Variants in RYK observed in about 807,000 individuals in gnomAD.
RYK encodes the protein receptor like tyrosine kinase, also known as inactive tyrosine-protein kinase RYK.
In RYK, 21 loss-of-function variants were observed where a neutral mutation model predicts 70.2. The observed-to-expected ratio is 0.30, with a 90% CI of 0.21 to 0.43. RYK has a LOEUF of 0.43. Among genes scored for constraint, RYK ranks in the 20% least tolerant of loss-of-function variants. The probability of loss-of-function intolerance (pLI) is 1.00; values close to 1 mark genes in which losing one functional copy is unlikely to be tolerated. For missense variants in RYK, 604 were observed against 753.3 expected, an observed-to-expected ratio of 0.80 and a Z score of 2.32; for synonymous variants, 267 against 278.0, an observed-to-expected ratio of 0.96 and a Z score of 0.39.
chr3:134,243,360 G>C (rs1026978542), intron 1 of RYK, among the ~76,000 whole-genome samples: 1 of 151,980 alleles, frequency 6.6e-6, no homozygotes, highest in Non-Finnish European at 1.5e-5. Flanking sequence ...TCATCACAAG[G>C]TTGGCTCTAT....
chr3:134,236,891 C>A (rs2015211570), intron 1 of RYK, among the ~76,000 whole-genome samples: 1 of 152,104 alleles, frequency 6.6e-6, no homozygotes, highest in Admixed American at 6.6e-5. Flanking sequence ...TTAGAATGCA[C>A]AGAATTTTTA....
rs888961162 is a variant in RYK, at chr3:134,250,094, C to A, written c.232+329G>T. ...TAGAAAGCGTCAAAAAAACTTCGTG[C>A]AGCAAGGAAAAAAAGTTGTAAGGGT... On this transcript the variant is annotated intron_variant, in intron 1 of 14. Transcript: ENST00000623711. Among the ~76,000 whole-genome samples the A allele has an allele frequency of 2.6e-5, 4 of 152,066 alleles. No homozygotes were observed. The East Asian group carries it at 7.7e-4, about 29-fold the overall frequency.
intron 10 of RYK, 75 bp from the exon 11 acceptor site, chr3:134,178,148 T>C (rs2013170732): frequency 1.8e-6 from 2 of 1,087,370 alleles, no homozygotes; most frequent in Non-Finnish European, 2.7e-6. Context: ...ATAAAAATAA[T>C]CTAAAACAAA....
intron 1 of RYK, among the ~76,000 whole-genome samples, chr3:134,235,468 GAAATA>G (rs1198256988): frequency 2.6e-5 from 4 of 151,542 alleles, no homozygotes; most frequent in Admixed American, 2.0e-4. Context: ...TAAAATTAAT[GAAATA>G]AAAGAATTTT....
At chr3:134,211,466 T>C in intron 3 of RYK, 42 bp downstream of exon 3, 1 of 1,438,880 alleles carries the variant, frequency 6.9e-7, no homozygotes, top group Non-Finnish European at 9.7e-7. Context: ...GGGATGCAGT[T>C]GAAAAAGTAT....
intron 11 of RYK, among the ~76,000 whole-genome samples, chr3:134,177,089 A>G (rs183646259): frequency 4.6e-5 from 7 of 151,706 alleles, no homozygotes. Context: ...AAAAAACCAC[A>G]CACAAACCCA....
intron 1 of RYK, among the ~76,000 whole-genome samples, chr3:134,239,837 G>T (rs1184541837): frequency 1.3e-5 from 2 of 152,200 alleles, no homozygotes; most frequent in Non-Finnish European, 2.9e-5. Context: ...GAGAGGCACT[G>T]GGGATCAACC....
chr3:134,194,328 C>T (rs948957508), intron 7 of RYK, among the ~76,000 whole-genome samples: 3 of 152,224 alleles, frequency 2.0e-5, no homozygotes, highest in East Asian at 3.9e-4. Context: ...ACACATTTTA[C>T]GTTTTAATTC....
chr3:134,212,052 C>A (rs1189973995), intron 2 of RYK, among the ~76,000 whole-genome samples: 1 of 152,152 alleles, frequency 6.6e-6, no homozygotes, highest in African/African-American at 2.4e-5. Flanking sequence ...GCTCTGCAGA[C>A]CCACTCACAC....
rs2015593953 is a variant in RYK at position 134,250,625 on chromosome 3, C to T, written c.30G>A (p.Pro10=). 3 of 996,094 alleles carry T rather than the reference C, an allele frequency of 3.0e-6. No individual in the cohort carries two copies. Among genetic ancestry groups the T allele is most frequent in the Non-Finnish European group, 3.6e-6 (3 of 837,902 alleles). The allele number at this position is 996,094 out of a possible 1,614,324, so 61.7% of individuals were successfully genotyped here. A position where few individuals can be genotyped will look rare whatever the true frequency, so the allele number is the denominator to read the frequency against. The stretch of plus-strand genomic sequence containing the variant: ...GGGCCCCCGGGAGGCAACTCCGGCC[C>T]GGCCGCCCCAGCCGCGCCGCCCCAC... MRGAARLGR[P]GRSCLPGARG... The change falls in exon 1 of 15, where the codon CCG becomes CCA. Residue 10 remains proline (P), a synonymous_variant. Coordinates refer to ENST00000623711, the MANE Select transcript of RYK (RefSeq NM_002958.4).
intron 13 of RYK, among the ~76,000 whole-genome samples, chr3:134,171,527 G>A (rs985171133): frequency 6.6e-6 from 1 of 152,048 alleles, no homozygotes; most frequent in Non-Finnish European, 1.5e-5. Context: ...TCCTATCATC[G>A]CTTAATTATA....
chr3:134,164,077 C>A (rs1199543530), intron 13 of RYK, among the ~76,000 whole-genome samples: 1 of 152,096 alleles, frequency 6.6e-6, no homozygotes, highest in Non-Finnish European at 1.5e-5. Context: ...TTCAAGTGAT[C>A]CACCAGCCGT....
At chr3:134,216,792 CAAAAAAAAAAAAAAAAAA>C (rs61441674) in intron 2 of RYK, among the ~76,000 whole-genome samples, 4 of 37,420 alleles carry the variant, frequency 1.1e-4, no homozygotes, top group East Asian at 1.8e-3. Flanking sequence ...GACTCTGTCT[CAAAAAAAAAAAAAAAAAA>C]AAAAAAAAAA....
chr3:134,220,615 G>A (rs1050387278), intron 2 of RYK, among the ~76,000 whole-genome samples: 2 of 152,056 alleles, frequency 1.3e-5, no homozygotes, highest in African/African-American at 2.4e-5. Context: ...GGCCACAAGT[G>A]CACAAAAACT....
chr3:134,160,118 T>A (rs1377244093), intron 13 of RYK, among the ~76,000 whole-genome samples: 4 of 152,098 alleles, frequency 2.6e-5, no homozygotes, highest in African/African-American at 9.7e-5. Flanking sequence ...AACCCTGAGG[T>A]CAGAACAACT....
rs569462025 is a variant in RYK at position 134,247,663 on chromosome 3, T to C, written c.232+2760A>G. Among the ~76,000 whole-genome samples, 17 of 151,606 alleles carry C rather than the reference T, an allele frequency of 1.1e-4. No homozygotes were observed. The South Asian group carries it at 3.3e-3, about 30-fold the overall frequency. ...GTTGCGGTGAGCTAAGATCATACCA[T>C]TGGACTCCAGCCTGGGCAACAAGAG... On this transcript the variant is annotated intron_variant, in intron 1 of 14. Coordinates refer to ENST00000623711, the MANE Select transcript of RYK (RefSeq NM_002958.4).
chr3:134,198,670 C>T (rs1211148802), intron 6 of RYK, among the ~76,000 whole-genome samples: 1 of 152,174 alleles, frequency 6.6e-6, no homozygotes, highest in African/African-American at 2.4e-5. Flanking sequence ...AACCACGCTT[C>T]CCTGGGACAG....
intron 1 of RYK, among the ~76,000 whole-genome samples, chr3:134,238,178 T>G (rs1226646478): frequency 2.0e-5 from 3 of 152,222 alleles, no homozygotes; most frequent in African/African-American, 7.2e-5. Flanking sequence ...AATATTAGAC[T>G]GTAGAACAGG....
rs985170062 is a variant in RYK, at chr3:134,158,120, C to G, written c.*33G>C. ...GGCTTCAAGTGAGCCCCGACAGGCA[C>G]CTTCTTCCTGATGGTGTGGGATTGG... On this transcript the variant is annotated 3_prime_UTR_variant, in exon 15 of 15. Transcript: ENST00000623711. 7.7e-6 allele frequency: 10 copies of G among 1,296,454 alleles called. No homozygotes were observed. In the African/African-American group the frequency reaches 1.5e-4, roughly 19 times the overall value. 80.3% of individuals were successfully genotyped at this position (1,296,454 alleles called of 1,614,324 possible).
Sources: allele counts gnomAD v4.1 joint callset (sites outside exome capture counted in the v4.1 genomes callset), GRCh38; gene constraint gnomAD v4.1.1; transcripts MANE v1.5; gene names NCBI Gene and HGNC (gene_info 2026-07-23, HGNC 2026-07-21).